The following PHACTR1 variants were observed in gnomAD, a reference collection of about 807,000 sequenced individuals.
PHACTR1 encodes the protein RPEL repeat containing 1.
Under a neutral mutation model 69.2 loss-of-function variants are expected in PHACTR1, and 16 were observed. The ratio of observed to expected loss-of-function variants is 0.23; its 90% CI spans 0.16 to 0.35. The LOEUF (loss-of-function observed/expected upper bound fraction) is 0.35. PHACTR1 is among the 10% of genes least tolerant of loss of function. The probability of loss-of-function intolerance (pLI) is 1.00; values close to 1 mark genes in which losing one functional copy is unlikely to be tolerated. For synonymous variants in PHACTR1, 312 were observed against 284.5 expected, an observed-to-expected ratio of 1.10 and a Z score of -0.97; for missense variants, 510 against 734.7, an observed-to-expected ratio of 0.69 and a Z score of 3.54.
At chr6:13,175,598 A>G (rs1761215031) in intron 6 of PHACTR1, among the ~76,000 whole-genome samples, 1 of 152,130 alleles carries the variant, frequency 6.6e-6, no homozygotes. Flanking sequence ...CCCCCAGGAG[A>G]GCATGGTTTC....
chr6:12,977,490 C>G (rs1033313003), intron 4 of PHACTR1, among the ~76,000 whole-genome samples: 1 of 152,152 alleles, frequency 6.6e-6, no homozygotes, highest in Non-Finnish European at 1.5e-5. Flanking sequence ...GTAATAGCTT[C>G]ACACACTCTC....
intron 6 of PHACTR1, among the ~76,000 whole-genome samples, chr6:13,165,895 CT>C (rs36103270): frequency 0.23 from 35,612 of 152,102 alleles, 4,952 homozygotes; most frequent in Non-Finnish European, 0.31. Flanking sequence ...TCTCATTACC[CT>C]GTAAATCAGA....
intron 5 of PHACTR1, among the ~76,000 whole-genome samples, chr6:13,100,666 G>A (rs1332226905): frequency 6.6e-6 from 1 of 152,150 alleles, no homozygotes; most frequent in African/African-American, 2.4e-5. Context: ...TCACCAAATT[G>A]TGTGATTATT....
intron 4 of PHACTR1, among the ~76,000 whole-genome samples, chr6:12,835,666 CTA>C (rs1400324495): frequency 6.6e-6 from 1 of 152,016 alleles, no homozygotes; most frequent in African/African-American, 2.4e-5. Context: ...TAATAATTTG[CTA>C]TGTTTTATGC....
chr6:13,154,494 A>G (rs971304495), intron 5 of PHACTR1, among the ~76,000 whole-genome samples: 1 of 152,142 alleles, frequency 6.6e-6, no homozygotes. Context: ...TATCAGAGTG[A>G]TTTTTGGATT....
At chr6:12,764,841 T>C (rs1768423383) in intron 4 of PHACTR1, among the ~76,000 whole-genome samples, 1 of 152,002 alleles carries the variant, frequency 6.6e-6, no homozygotes, top group Non-Finnish European at 1.5e-5. Context: ...ATATGGGAGC[T>C]GCTCTGGTCA....
At chr6:12,779,955 A>C (rs997886500) in intron 4 of PHACTR1, among the ~76,000 whole-genome samples, 3 of 152,130 alleles carry the variant, frequency 2.0e-5, no homozygotes, top group African/African-American at 7.2e-5. Flanking sequence ...TGCTATTTGG[A>C]GGTTATTTCT....
intron 4 of PHACTR1, among the ~76,000 whole-genome samples, chr6:12,894,060 A>C (rs1784410893): frequency 6.6e-6 from 1 of 152,184 alleles, no homozygotes; most frequent in Admixed American, 6.5e-5. Flanking sequence ...TTACTTTTTA[A>C]GCGTTCTCGC....
intron 4 of PHACTR1, among the ~76,000 whole-genome samples, chr6:13,029,634 G>A (rs1294114364): frequency 6.6e-6 from 1 of 152,240 alleles, no homozygotes; most frequent in Non-Finnish European, 1.5e-5. Context: ...GGAGTACAGT[G>A]TTGAGTTGAC....
At chr6:12,803,424 G>A (rs1230437051) in intron 4 of PHACTR1, among the ~76,000 whole-genome samples, 2 of 152,038 alleles carry the variant, frequency 1.3e-5, no homozygotes, top group African/African-American at 2.4e-5. Flanking sequence ...GAAGACTAAA[G>A]AACACTCTAC....
intron 3 of PHACTR1, among the ~76,000 whole-genome samples, chr6:12,734,253 A>G (rs1436704370): frequency 1.3e-5 from 2 of 152,228 alleles, no homozygotes; most frequent in African/African-American, 4.8e-5. Context: ...CAAAGCTTGG[A>G]GAGCTCACTA....
chr6:12,958,378 A>G (rs1792174388), intron 4 of PHACTR1, among the ~76,000 whole-genome samples: 1 of 152,234 alleles, frequency 6.6e-6, no homozygotes, highest in South Asian at 2.1e-4. Flanking sequence ...TCTGACTTAA[A>G]GAGACAGGAA....
intron 4 of PHACTR1, among the ~76,000 whole-genome samples, chr6:12,937,493 A>T: frequency 6.6e-6 from 1 of 152,074 alleles, no homozygotes; most frequent in Middle Eastern, 3.2e-3. Context: ...TATTTCAGTG[A>T]GCCAAACAGA....
chr6:12,828,518 G>A (rs934759316), intron 4 of PHACTR1, among the ~76,000 whole-genome samples: 2 of 152,126 alleles, frequency 1.3e-5, no homozygotes, highest in Non-Finnish European at 2.9e-5. Flanking sequence ...AATATTGGGT[G>A]ACTTGTAGTA....
rs537354744 is a variant in PHACTR1, at chr6:13,163,117, C to T, written c.496+2833C>T. Among the ~76,000 whole-genome samples the T allele has an allele frequency of 5.3e-5, 8 of 152,226 alleles. No homozygotes were observed. The East Asian group carries it at 7.7e-4, about 15-fold the overall frequency. On this transcript the variant is annotated intron_variant, in intron 6 of 14. Coordinates refer to ENST00000332995, the MANE Select transcript of PHACTR1 (RefSeq NM_030948.6). ...AAAATTTGTCGGGTGTGGTGGCATG[C>T]GCCTGTAGCCCCAGCTACTTGGGAG...
intron 4 of PHACTR1, among the ~76,000 whole-genome samples, chr6:12,819,425 C>T (rs115762773): frequency 1.2e-4 from 19 of 152,248 alleles, no homozygotes; most frequent in Non-Finnish European, 5.9e-5. Context: ...TATATTTCAA[C>T]CACACAGGAT....
rs73722819 is a variant in PHACTR1 at position 12,761,725 on chromosome 6, C to T, written c.250+11935C>T. Reference sequence around the variant, plus strand: ...CATCCTTCTTTTTCAATCACCTCTCCCTTTTTCTTCACCCTCTCCCTGTTT... The same window carrying T: ...CATCCTTCTTTTTCAATCACCTCTCTCTTTTTCTTCACCCTCTCCCTGTTT... On this transcript the variant is annotated intron_variant, in intron 4 of 14. Transcript: ENST00000332995. Among the ~76,000 whole-genome samples, 1,286 of 152,316 alleles carry T rather than the reference C, an allele frequency of 8.4e-3. 20 individuals carry two copies. Among genetic ancestry groups the T allele is most frequent in the African/African-American group, 0.029 (1,204 of 41,560 alleles).
intron 3 of PHACTR1, among the ~76,000 whole-genome samples, chr6:12,727,820 C>T (rs181203414): frequency 6.6e-6 from 1 of 152,156 alleles, no homozygotes; most frequent in Non-Finnish European, 1.5e-5. Flanking sequence ...ACGCCAATAT[C>T]ATTTTTAATA....
chr6:13,252,887 C>A, intron 10 of PHACTR1: 1 of 276,992 alleles, frequency 3.6e-6, no homozygotes, highest in East Asian at 8.6e-5. Flanking sequence ...CAAAATATTG[C>A]AGCCAAAACC....
Sources: gnomAD v4.1 joint callset for allele counts (sites outside exome capture counted in the v4.1 genomes callset) on GRCh38, gnomAD v4.1.1 for gene constraint, MANE v1.5 for transcripts, NCBI Gene and HGNC (gene_info 2026-07-23, HGNC 2026-07-21) for gene names.